GALNT17: variants seen among roughly 807,000 people sequenced by gnomAD.
The protein encoded by GALNT17 is UDP-GalNAc:polypeptide N-acetylgalactosaminyltransferase-like 3.
GALNT17 carries 29 observed loss-of-function variants against 63.7 expected under a neutral mutation model. The observed-to-expected ratio is 0.46, with a 90% CI of 0.34 to 0.62. The LOEUF is 0.62. Among genes scored for constraint, GALNT17 ranks in the 20% least tolerant of loss-of-function variants. The probability of loss-of-function intolerance (pLI) is 0.01; values close to 1 mark genes in which losing one functional copy is unlikely to be tolerated. For synonymous variants in GALNT17, 305 were observed against 318.3 expected (o/e 0.96, Z 0.45); for missense variants, 603 against 799.6 (o/e 0.75, Z 2.97).
chr7:71,305,408 T>G (rs542917549), intron 1 of GALNT17, among the ~76,000 whole-genome samples: 133 of 152,328 alleles, frequency 8.7e-4, no homozygotes, highest in African/African-American at 3.0e-3. Context: ...CAAAATTTTC[T>G]TGTTTTCAAC....
intron 1 of GALNT17, among the ~76,000 whole-genome samples, chr7:71,241,652 C>A (rs1474933835): frequency 3.9e-5 from 6 of 152,170 alleles, no homozygotes; most frequent in African/African-American, 1.4e-4. Context: ...TTTTGAGAGG[C>A]TGAGGCAGGA....
intron 5 of GALNT17, among the ~76,000 whole-genome samples, chr7:71,435,190 T>C (rs1786936519): frequency 6.6e-6 from 1 of 152,132 alleles, no homozygotes; most frequent in African/African-American, 2.4e-5. Context: ...TAGATGGATG[T>C]GGTGGTGCGT....
At chr7:71,545,977 T>C (rs1788976757) in intron 5 of GALNT17, among the ~76,000 whole-genome samples, 1 of 152,030 alleles carries the variant, frequency 6.6e-6, no homozygotes, top group Admixed American at 6.6e-5. Flanking sequence ...AATTGAAATC[T>C]GGCCAGGCAC....
At position 71,335,122 on chromosome 7, in the gene GALNT17, TC is replaced by T. The variant is rs1290338443; in HGVS notation, c.239-427del. On this transcript the variant is annotated intron_variant, in intron 1 of 10. Transcript: ENST00000333538. Reference sequence around the variant, plus strand: ...CAGTCCCCAAAAGGAGAGAGAGGATTCTTTTATATTTATTTATTTATTTTTT... The same window carrying T: ...CAGTCCCCAAAAGGAGAGAGAGGATTTTTTATATTTATTTATTTATTTTTT... Among the ~76,000 whole-genome samples, 34 of 152,162 alleles carry T rather than the reference TC, an allele frequency of 2.2e-4. 1 individual carries two copies. In the South Asian group the frequency reaches 7.1e-3, roughly 32 times the overall value.
At chr7:71,552,821 T>C (rs1584044816) in intron 5 of GALNT17, among the ~76,000 whole-genome samples, 1 of 152,154 alleles carries the variant, frequency 6.6e-6, no homozygotes, top group Non-Finnish European at 1.5e-5. Flanking sequence ...CCATTATTAG[T>C]GGGCACTGAA....
intron 1 of GALNT17, among the ~76,000 whole-genome samples, chr7:71,327,453 C>T (rs976259186): frequency 2.6e-5 from 4 of 152,044 alleles, no homozygotes; most frequent in Non-Finnish European, 5.9e-5. Flanking sequence ...AAACTGCCCC[C>T]GTGATTCAGT....
chr7:71,602,936 G>C (rs1789986631), intron 6 of GALNT17, among the ~76,000 whole-genome samples: 1 of 151,930 alleles, frequency 6.6e-6, no homozygotes, highest in Non-Finnish European at 1.5e-5. Context: ...CATATACCAG[G>C]TACCATGCTA....
intron 9 of GALNT17, among the ~76,000 whole-genome samples, chr7:71,683,154 G>A (rs1029369134): frequency 1.3e-5 from 2 of 152,168 alleles, no homozygotes; most frequent in Middle Eastern, 3.2e-3. Context: ...GCTCTGGGAT[G>A]GACGCTTGTT....
intron 5 of GALNT17, among the ~76,000 whole-genome samples, chr7:71,497,620 G>C (rs1448194195): frequency 6.6e-6 from 1 of 152,210 alleles, no homozygotes; most frequent in Non-Finnish European, 1.5e-5. Context: ...GTGGTTACAG[G>C]GGACAGGATT....
At chr7:71,672,884 TAAAC>T (rs1791091332) in intron 8 of GALNT17, among the ~76,000 whole-genome samples, 1 of 151,828 alleles carries the variant, frequency 6.6e-6, no homozygotes. Context: ...CAAAGAAAAA[TAAAC>T]AAAGTACAAG....
chr7:71,466,955 A>G (rs1256882915), intron 5 of GALNT17, among the ~76,000 whole-genome samples: 1 of 151,532 alleles, frequency 6.6e-6, no homozygotes, highest in Non-Finnish European at 1.5e-5. Flanking sequence ...CCTTGGGCAC[A>G]TGTGCTCAAG....
At chr7:71,454,457 G>C (rs2116560314) in intron 5 of GALNT17, among the ~76,000 whole-genome samples, 1 of 152,194 alleles carries the variant, frequency 6.6e-6, no homozygotes, top group Admixed American at 6.5e-5. Context: ...TCTTTATCCA[G>C]TCTATCATTG....
At chr7:71,244,593 A>G (rs1480291689) in intron 1 of GALNT17, among the ~76,000 whole-genome samples, 3 of 152,134 alleles carry the variant, frequency 2.0e-5, no homozygotes. Flanking sequence ...GAATGAAGAG[A>G]GATTACGTGA....
At chr7:71,262,398 A>C (rs1790401087) in intron 1 of GALNT17, among the ~76,000 whole-genome samples, 1 of 152,066 alleles carries the variant, frequency 6.6e-6, no homozygotes, top group African/African-American at 2.4e-5. Context: ...TTACAGGTGT[A>C]AGCCACTGTG....
chr7:71,169,438 C>T (rs183628695), intron 1 of GALNT17, among the ~76,000 whole-genome samples: 109 of 152,246 alleles, frequency 7.2e-4, no homozygotes, highest in African/African-American at 2.5e-3. Flanking sequence ...AGTATTTTGT[C>T]TGTTACTTCA....
chr7:71,215,401 C>G (rs1448486523), intron 1 of GALNT17, among the ~76,000 whole-genome samples: 2 of 151,954 alleles, frequency 1.3e-5, no homozygotes. Flanking sequence ...TTGAAACGGT[C>G]TTGTATTTTA....
At chr7:71,482,509 A>G (rs771735005) in intron 5 of GALNT17, among the ~76,000 whole-genome samples, 7 of 152,194 alleles carry the variant, frequency 4.6e-5, no homozygotes, top group Middle Eastern at 3.2e-3. Flanking sequence ...CAAACATTAT[A>G]GAGTGCACTT....
chr7:71,244,245 C>G (rs1349880846), intron 1 of GALNT17, among the ~76,000 whole-genome samples: 1 of 152,202 alleles, frequency 6.6e-6, no homozygotes, highest in East Asian at 1.9e-4. Flanking sequence ...CTTGCTCATT[C>G]TCTCTGGGTC....
chr7:71,594,301 T>G (rs563146385), intron 6 of GALNT17, among the ~76,000 whole-genome samples: 1 of 152,174 alleles, frequency 6.6e-6, no homozygotes, highest in South Asian at 2.1e-4. Flanking sequence ...TATTTATTTA[T>G]TTTTTTAAGA....
Sources: gnomAD v4.1 joint callset for allele counts (sites outside exome capture counted in the v4.1 genomes callset) on GRCh38, gnomAD v4.1.1 for gene constraint, MANE v1.5 for transcripts, NCBI Gene and HGNC (gene_info 2026-07-23, HGNC 2026-07-21) for gene names.